DMXL1: variants seen among roughly 807,000 people sequenced by gnomAD.
DMXL1 encodes dmX-like protein 1.
In DMXL1, 99 loss-of-function variants were observed where a neutral mutation model predicts 319.2. The observed-to-expected ratio is 0.31, with a 90% CI of 0.26 to 0.37. DMXL1 has a LOEUF of 0.37. Ranked by LOEUF, DMXL1 falls within the 10% of genes least tolerant of loss-of-function variation. The pLI, the probability that DMXL1 is intolerant of heterozygous loss-of-function variation, is 1.00. For missense variants in DMXL1, 3,745 were observed against 3,595.6 expected (o/e 1.04, Z -1.06); for synonymous variants, 1,385 against 1,235.2 (o/e 1.12, Z -2.54).
chr5:119,116,363 C>T (rs754090811), intron 7 of DMXL1, 27 bp downstream of exon 7: 1 of 1,602,180 alleles, frequency 6.2e-7, no homozygotes, highest in East Asian at 2.2e-5. Flanking sequence ...TTTCCCTCCA[C>T]ATATTAAGGG....
intron 1 of DMXL1, among the ~76,000 whole-genome samples, chr5:119,095,507 A>G (rs929547813): frequency 6.6e-6 from 1 of 152,248 alleles, no homozygotes; most frequent in African/African-American, 2.4e-5. Context: ...TTGCAACGTA[A>G]TATCTGAAAT....
intron 43 of DMXL1, among the ~76,000 whole-genome samples, chr5:119,245,960 T>C (rs139508362): frequency 1.8e-3 from 281 of 152,034 alleles, no homozygotes; most frequent in African/African-American, 6.5e-3. Context: ...CAAATTCATA[T>C]GCAGGGTAGT....
chr5:119,184,567 A>G (rs1276232912), intron 28 of DMXL1, among the ~76,000 whole-genome samples: 1 of 152,200 alleles, frequency 6.6e-6, no homozygotes, highest in Non-Finnish European at 1.5e-5. Flanking sequence ...TTTAGTAGTA[A>G]GTCTATCATG....
Position 119,171,932 on chromosome 5 carries a change from T to G in DMXL1, c.6644T>G (p.Phe2215Cys). The change falls in exon 25 of 44, where the codon TTT (phenylalanine) becomes TGT (cysteine). Residue 2215 changes from phenylalanine to cysteine, a missense_variant. Phe to Cys is a radical substitution (Grantham distance 205). Coordinates refer to ENST00000539542, the MANE Select transcript of DMXL1 (RefSeq NM_001290321.3). Reference sequence around the variant, plus strand: ...GATATTCTCCATGCCATAATAAACTTTGATTCACCACCCCACCCTGATATC... The same window carrying G: ...GATATTCTCCATGCCATAATAAACTGTGATTCACCACCCCACCCTGATATC... ...THDILHAIIN[F>C]DSPPHPDIQS... 1 of 1,613,666 alleles carries G rather than the reference T, an allele frequency of 6.2e-7. No homozygotes were observed. The highest frequency in any genetic ancestry group is 8.5e-7 in the Non-Finnish European group (1 of 1,179,776).
Position 119,071,549 on chromosome 5 carries a change from T to C in DMXL1, c.-21T>C. On this transcript the variant is annotated 5_prime_UTR_variant, in exon 1 of 44. Coordinates refer to ENST00000539542, the MANE Select transcript of DMXL1 (RefSeq NM_001290321.3). ...TGGCATGAGCTGGATGCGGTGTCCG[T>C]TGCAGGACTAGGGCGCCGACATGAA... is the stretch of plus-strand genomic sequence containing the variant. 6.3e-7 allele frequency: 1 copy of C among 1,593,346 alleles called. No individual in the cohort carries two copies. The highest frequency in any genetic ancestry group is 8.5e-7 in the Non-Finnish European group (1 of 1,169,860).
chr5:119,165,796 T>C (rs925388984), intron 21 of DMXL1, among the ~76,000 whole-genome samples: 1 of 152,188 alleles, frequency 6.6e-6, no homozygotes, highest in Non-Finnish European at 1.5e-5. Context: ...ATCACAAGAA[T>C]AGCATGGAAA....
chr5:119,237,345 A>G lies in DMXL1; in HGVS notation c.8490A>G (p.Gly2830=). 1 of 1,598,388 alleles carries G rather than the reference A, an allele frequency of 6.3e-7. No individual in the cohort carries two copies. The highest frequency in any genetic ancestry group is 8.6e-7 in the Non-Finnish European group (1 of 1,169,430). ...AGTTTGGAATAGTTGATGCTGATGG[A>G]TATTTAAGTTTGTATCAAACAAACT... is the stretch of plus-strand genomic sequence containing the variant. ...GNKFGIVDAD[G]YLSLYQTNWK... is the part of the protein sequence containing the mutation. The change falls in exon 40 of 44, where the codon GGA becomes GGG. Residue 2830 remains glycine, a synonymous_variant. Transcript: ENST00000539542.
In DMXL1 at chr5:119,071,290, GA is replaced by G; in HGVS notation, c.-279del. The G allele has an allele frequency of 2.2e-6, 1 of 446,188 alleles. No homozygotes were observed. The highest frequency in any genetic ancestry group is 2.1e-5 in the African/African-American group (1 of 46,718). The allele number at this position is 446,188 out of a possible 1,614,324, so 27.6% of individuals were successfully genotyped here. On this transcript the variant is annotated 5_prime_UTR_variant, in exon 1 of 44. Coordinates refer to ENST00000539542, the MANE Select transcript of DMXL1 (RefSeq NM_001290321.3). ...GGCCCCGGGTCGTGGCCGGTGAGGG[GA>G]CCCTGAGCTTCACCTGGGCTAGCGC...
At chr5:119,213,785 AC>A (rs1423560474) in intron 34 of DMXL1, among the ~76,000 whole-genome samples, 1 of 152,210 alleles carries the variant, frequency 6.6e-6, no homozygotes, top group Admixed American at 6.5e-5. Context: ...AGACACAGTC[AC>A]CACTGACTTC....
At chr5:119,196,858 G>A (rs1470578331) in intron 31 of DMXL1, among the ~76,000 whole-genome samples, 1 of 152,156 alleles carries the variant, frequency 6.6e-6, no homozygotes, top group Non-Finnish European at 1.5e-5. Context: ...ATGAACTATA[G>A]TTCCCTATAT....
At chr5:119,147,110 T>A in intron 16 of DMXL1, 139 bp from the exon 17 acceptor site, 2 of 1,154,486 alleles carry the variant, frequency 1.7e-6, no homozygotes, top group Non-Finnish European at 1.2e-6. Flanking sequence ...CTTTTCTTAT[T>A]TTCTTTCTGT....
At position 119,247,277 on chromosome 5, in the gene DMXL1, A is replaced by C; in HGVS notation, c.*58A>C. On this transcript the variant is annotated 3_prime_UTR_variant, in exon 44 of 44. Coordinates refer to ENST00000539542, the MANE Select transcript of DMXL1 (RefSeq NM_001290321.3). ...TATATGGAAGTGGCCAACAGATATA[A>C]TATACAGTGATCATTCTCTATGCCA... 1 of 1,147,428 alleles carries C rather than the reference A, an allele frequency of 8.7e-7. No individual in the cohort carries two copies. The highest frequency in any genetic ancestry group is 1.3e-6 in the Non-Finnish European group (1 of 798,714). 71.1% of individuals were successfully genotyped at this position (1,147,428 alleles called of 1,614,324 possible).
intron 1 of DMXL1, among the ~76,000 whole-genome samples, chr5:119,085,115 G>A (rs1314500806): frequency 6.6e-6 from 1 of 151,920 alleles, no homozygotes; most frequent in African/African-American, 2.4e-5. Flanking sequence ...GATCACATGA[G>A]GCCAAGAGTT....
chr5:119,171,737 GT>G (rs1275162035), intron 24 of DMXL1, 40 bp from the exon 25 acceptor site: 4 of 1,513,658 alleles, frequency 2.6e-6, no homozygotes, highest in Non-Finnish European at 3.6e-6. Flanking sequence ...GTTTGTAACT[GT>G]AAATAGTTGG....
intron 13 of DMXL1, among the ~76,000 whole-genome samples, chr5:119,142,022 C>G (rs1580979641): frequency 6.6e-6 from 1 of 152,070 alleles, no homozygotes; most frequent in Non-Finnish European, 1.5e-5. Context: ...GGAAAGGATT[C>G]CATTAATAAA....
At position 119,181,736 on chromosome 5, in the gene DMXL1, T is replaced by C. The variant is rs569755145; in HGVS notation, c.7135+3492T>C. On this transcript the variant is annotated intron_variant, in intron 28 of 43. Transcript: ENST00000539542. ...CTGAGGCAGGAGAATCGCTTGAACC[T>C]GGGAGGTGGAGGTTGCAGTGAGCTG... Among the ~76,000 whole-genome samples the C allele has an allele frequency of 5.8e-4, 88 of 152,038 alleles. 1 individual carries two copies. In the South Asian group the frequency reaches 0.018, roughly 31 times the overall value.
intron 1 of DMXL1, among the ~76,000 whole-genome samples, chr5:119,088,602 T>G (rs72784072): frequency 0.063 from 9,532 of 152,220 alleles, 395 homozygotes; most frequent in Non-Finnish European, 0.084. Context: ...TTAAATGCTC[T>G]TCTCTGTTAG....
intron 28 of DMXL1, among the ~76,000 whole-genome samples, chr5:119,181,299 G>A (rs149276653): frequency 8.3e-4 from 127 of 152,256 alleles, no homozygotes; most frequent in African/African-American, 3.0e-3. Context: ...AAAACGTATT[G>A]TTCACTTAGT....
intron 19 of DMXL1, 49 bp from the exon 20 acceptor site, chr5:119,164,458 A>G: frequency 6.7e-7 from 1 of 1,492,818 alleles, no homozygotes; most frequent in Non-Finnish European, 9.2e-7. Flanking sequence ...TGATAATCAT[A>G]TAAGCATATT....
Sources: gnomAD v4.1 joint callset for allele counts (sites outside exome capture counted in the v4.1 genomes callset) on GRCh38, gnomAD v4.1.1 for gene constraint, MANE v1.5 for transcripts, NCBI Gene and HGNC (gene_info 2026-07-23, HGNC 2026-07-21) for gene names.